Variants in POLK observed in about 807,000 individuals in gnomAD.
The protein encoded by POLK is DNA polymerase kappa, also known as polymerase (DNA directed) kappa.
POLK carries 76 observed loss-of-function variants against 94.0 expected under a neutral mutation model. That is an observed-to-expected ratio of 0.81 (90% confidence interval 0.67 to 0.98). POLK has a LOEUF of 0.98. Ranked by LOEUF, POLK falls within the 50% of genes least tolerant of loss-of-function variation. POLK has a pLI of 0.00. For synonymous variants in POLK, 349 were observed against 325.4 expected, an observed-to-expected ratio of 1.07 and a Z score of -0.78; for missense variants, 954 against 1,010.1, an observed-to-expected ratio of 0.94 and a Z score of 0.75.
intron 7 of POLK, 117 bp from the exon 8 acceptor site, chr5:75,583,176 G>A: frequency 1.6e-6 from 1 of 629,082 alleles, no homozygotes; most frequent in East Asian, 2.9e-5. Context: ...TTTTAAAGTA[G>A]CATTATATAT....
At chr5:75,569,298 T>C in intron 3 of POLK, 42 bp from the exon 4 acceptor site, 1 of 1,392,378 alleles carries the variant, frequency 7.2e-7, no homozygotes, top group Non-Finnish European at 1.0e-6. Context: ...TGTTTCAATA[T>C]TATGTTGTCT....
At position 75,587,007 on chromosome 5, in the gene POLK, CTT is replaced by C; in HGVS notation, c.1227-11_1227-10del. The C allele has an allele frequency of 4.0e-6, 6 of 1,503,136 alleles. No individual in the cohort carries two copies. The highest frequency in any genetic ancestry group is 3.6e-6 in the Non-Finnish European group (4 of 1,107,742). The allele number at this position is 1,503,136 out of a possible 1,614,324, so 93.1% of individuals were successfully genotyped here. A position where few individuals can be genotyped will look rare whatever the true frequency, so the allele number is the denominator to read the frequency against. On this transcript the variant is annotated splice_polypyrimidine_tract_variant and intron_variant, in intron 9 of 14. Coordinates refer to ENST00000241436, the Ensembl canonical transcript of POLK. ...AACTCAGTCTTTGAAAAATAAAGAC[CTT>C]TTTTTTTCATTTCAAGGGATGGAGA...
intron 5 of POLK, among the ~76,000 whole-genome samples, chr5:75,574,830 T>G (rs757046285): frequency 8.5e-5 from 13 of 152,220 alleles, no homozygotes; most frequent in Non-Finnish European, 1.8e-4. Flanking sequence ...GGTTACTGCT[T>G]ATCTCTTTCA....
intron 4 of POLK, among the ~76,000 whole-genome samples, chr5:75,572,108 G>T (rs1771629248): frequency 6.6e-6 from 1 of 152,076 alleles, no homozygotes; most frequent in South Asian, 2.1e-4. Flanking sequence ...AATTTCACTT[G>T]AGATTCTAAA....
At chr5:75,538,108 G>A (rs1251278682) in intron 1 of POLK, among the ~76,000 whole-genome samples, 1 of 152,136 alleles carries the variant, frequency 6.6e-6, no homozygotes, top group East Asian at 1.9e-4. Context: ...CACCCGCCTC[G>A]GCCTCCCAAA....
chr5:75,540,432 G>T (rs888215487), intron 1 of POLK, among the ~76,000 whole-genome samples: 6 of 151,686 alleles, frequency 4.0e-5, no homozygotes, highest in African/African-American at 1.5e-4. Context: ...TCAGCCTCCC[G>T]AGTAGCTGGG....
rs533541482 is a variant in POLK at position 75,519,998 on chromosome 5, A to G, written c.-14+8084A>G. On this transcript the variant is annotated intron_variant, in intron 1 of 14. Coordinates refer to ENST00000241436, the Ensembl canonical transcript of POLK. ...TGGTTAAGTGATTTTCTCTGATAGT[A>G]TGTTTTAATTAATTGCTGTTTATTT... Among the ~76,000 whole-genome samples, 4 of 152,214 alleles carry G rather than the reference A, an allele frequency of 2.6e-5. No homozygotes were observed. The South Asian group carries it at 8.3e-4, about 32-fold the overall frequency.
Position 75,527,500 on chromosome 5 carries a change from TATAC to T in POLK, c.-14+15588_-14+15591del, listed in dbSNP as rs770568410. On this transcript the variant is annotated intron_variant, in intron 1 of 14. Transcript: ENST00000241436. ...GTCTCAAAAAAAAAAAAAATTTATA[TATAC>T]ACACACACACACACACACACACACA... is the stretch of plus-strand genomic sequence containing the variant. Among the ~76,000 whole-genome samples the T allele has an allele frequency of 2.3e-3, 266 of 116,080 alleles. 4 individuals carry two copies. Among genetic ancestry groups the T allele is most frequent in the Non-Finnish European group, 6.0e-4 (35 of 58,162 alleles). The allele number at this position is 116,080 out of a possible 152,430, so 76.2% of individuals were successfully genotyped here. A position where few individuals can be genotyped will look rare whatever the true frequency, so the allele number is the denominator to read the frequency against.
At chr5:75,587,970 C>G (rs1250028909) in intron 10 of POLK, among the ~76,000 whole-genome samples, 1 of 152,004 alleles carries the variant, frequency 6.6e-6, no homozygotes, top group Non-Finnish European at 1.5e-5. Flanking sequence ...AGATTGTGTT[C>G]ATATTTCACA....
chr5:75,536,997 G>A (rs1769475665), intron 1 of POLK, among the ~76,000 whole-genome samples: 1 of 152,214 alleles, frequency 6.6e-6, no homozygotes, highest in Non-Finnish European at 1.5e-5. Flanking sequence ...GCTCTAGCAA[G>A]CATTGTCTGC....
At chr5:75,511,563 G>A (rs190231600), upstream of POLK, 3,183 of 1,457,060 alleles carry the variant, frequency 2.2e-3, 6 homozygotes, top group Non-Finnish European at 2.5e-3. Flanking sequence ...AGAAAATCCG[G>A]CCGCTGAGTC....
At chr5:75,524,772 GT>G (rs1432004288) in intron 1 of POLK, among the ~76,000 whole-genome samples, 4 of 152,144 alleles carry the variant, frequency 2.6e-5, no homozygotes, top group African/African-American at 9.7e-5. Context: ...CATAACTAAT[GT>G]TCCAGTACAA....
At position 75,571,603 on chromosome 5, in the gene POLK, C is replaced by G. The variant is rs151249807; in HGVS notation, c.408+2111C>G. On this transcript the variant is annotated intron_variant, in intron 4 of 14. Coordinates refer to ENST00000241436, the Ensembl canonical transcript of POLK. ...AGGAGATTGGAATGGATTCCAGCTT[C>G]AGAACTTTCTCCTCTCCATTGTTGC... is the stretch of plus-strand genomic sequence containing the variant. 2.5e-3 allele frequency among the ~76,000 whole-genome samples: 386 copies of G among 152,292 alleles called. 1 individual carries two copies. The highest frequency in any genetic ancestry group is 8.6e-3 in the African/African-American group (356 of 41,552).
At chr5:75,581,646 C>T in intron 7 of POLK, 198 bp downstream of exon 7, 1 of 533,004 alleles carries the variant, frequency 1.9e-6, no homozygotes, top group Non-Finnish European at 3.3e-6. Flanking sequence ...AGACTATGAG[C>T]CTGAAGGAAA....
chr5:75,604,727 T>C (rs1773378632), downstream of POLK, among the ~76,000 whole-genome samples: 1 of 152,176 alleles, frequency 6.6e-6, no homozygotes, highest in Non-Finnish European at 1.5e-5. Flanking sequence ...AAAGCAGTGA[T>C]ATATTTGAAC....
chr5:75,583,178 A>G (rs1772290340), intron 7 of POLK, 115 bp from the exon 8 acceptor site: 1 of 649,630 alleles, frequency 1.5e-6, no homozygotes. Flanking sequence ...TTAAAGTAGC[A>G]TTATATATCA....
chr5:75,596,543 A>T, exon 13 of POLK: 1 of 1,613,988 alleles, frequency 6.2e-7, no homozygotes, highest in Non-Finnish European at 8.5e-7. Context: ...GAGAATTCAG[A>T]TGACTGTCAG....
intron 1 of POLK, among the ~76,000 whole-genome samples, chr5:75,513,340 C>G (rs1768162102): frequency 6.6e-6 from 1 of 152,080 alleles, no homozygotes; most frequent in Admixed American, 6.5e-5. Context: ...GCATATCTGT[C>G]TAGGACTCCT....
intron 11 of POLK, among the ~76,000 whole-genome samples, chr5:75,590,671 C>G (rs1256757960): frequency 6.6e-6 from 1 of 152,082 alleles, no homozygotes; most frequent in Non-Finnish European, 1.5e-5. Context: ...TAGAGTGGTT[C>G]AGTATAATTC....
Sources: gnomAD v4.1 joint callset for allele counts (sites outside exome capture counted in the v4.1 genomes callset) on GRCh38, gnomAD v4.1.1 for gene constraint, MANE v1.5 for transcripts, NCBI Gene and HGNC (gene_info 2026-07-23, HGNC 2026-07-21) for gene names.